Variants in JAK1 observed in about 807,000 individuals in gnomAD.
The protein encoded by JAK1 is tyrosine-protein kinase JAK1.
JAK1 carries 16 observed loss-of-function variants against 136.6 expected under a neutral mutation model. That is an observed-to-expected ratio of 0.12 (90% confidence interval 0.08 to 0.18). The LOEUF is 0.18. Ranked by LOEUF, JAK1 falls within the 10% of genes least tolerant of loss-of-function variation. The pLI is 1.00. For synonymous variants in JAK1, 492 were observed against 519.5 expected (o/e 0.95, Z 0.72); for missense variants, 859 against 1,450.1 (o/e 0.59, Z 6.62).
intron 7 of JAK1, among the ~76,000 whole-genome samples, chr1:64,865,800 C>T (rs919776542): frequency 2.0e-5 from 3 of 152,066 alleles, no homozygotes; most frequent in Non-Finnish European, 2.9e-5. Flanking sequence ...CTTGCTGTCA[C>T]CCAGGCTGGA....
Position 64,852,617 on chromosome 1 carries a change from C to T in JAK1, c.1649-1707G>A, listed in dbSNP as rs1484076316. Reference sequence around the variant, plus strand: ...GCAGAGCCACTTGGGAAATGAGAGGCGGATGGAACCGAAGCCATTTATGGA... The same window carrying T: ...GCAGAGCCACTTGGGAAATGAGAGGTGGATGGAACCGAAGCCATTTATGGA... On this transcript the variant is annotated intron_variant, in intron 11 of 24. Coordinates refer to ENST00000342505, the MANE Select transcript of JAK1 (RefSeq NM_002227.4). 1.3e-5 allele frequency among the ~76,000 whole-genome samples: 2 copies of T among 152,190 alleles called. 1 individual carries two copies. The highest frequency in any genetic ancestry group is 2.9e-5 in the Non-Finnish European group (2 of 68,036).
At chr1:64,969,134 C>A (rs953818847), upstream of JAK1, among the ~76,000 whole-genome samples, 11 of 151,374 alleles carry the variant, frequency 7.3e-5, no homozygotes, top group African/African-American at 2.7e-4. Flanking sequence ...TAAGTATATG[C>A]TGTGTGACTG....
chr1:64,878,989 G>A, intron 4 of JAK1, 36 bp downstream of exon 4: 1 of 1,611,506 alleles, frequency 6.2e-7, no homozygotes, highest in Non-Finnish European at 8.5e-7. Flanking sequence ...CAGTGCAGAG[G>A]GAGCCAGGCA....
At chr1:64,971,616 T>C (rs1459644002) in intron 2 of JAK1, among the ~76,000 whole-genome samples, 4 of 152,024 alleles carry the variant, frequency 2.6e-5, no homozygotes, top group Non-Finnish European at 5.9e-5. Flanking sequence ...TCGAGTACAG[T>C]GGCGTGATCT....
intron 2 of JAK1, among the ~76,000 whole-genome samples, chr1:64,980,898 A>G (rs556680970): frequency 2.6e-4 from 40 of 152,320 alleles, no homozygotes; most frequent in African/African-American, 9.4e-4. Context: ...TACAAAGGAC[A>G]TGAACTCATC....
chr1:64,892,704 C>T (rs1644957757), intron 1 of JAK1, among the ~76,000 whole-genome samples: 2 of 152,154 alleles, frequency 1.3e-5, no homozygotes, highest in Admixed American at 1.3e-4. Context: ...ACATCTAAAC[C>T]ACATTCGAGT....
intron 6 of JAK1, among the ~76,000 whole-genome samples, chr1:64,868,837 G>A (rs1476838584): frequency 6.6e-6 from 1 of 152,172 alleles, no homozygotes; most frequent in Non-Finnish European, 1.5e-5. Flanking sequence ...CAATTTTCTT[G>A]AGATATTTAA....
At chr1:65,036,067 AAAAAG>A (rs1288619345) in intron 2 of JAK1, among the ~76,000 whole-genome samples, 2 of 151,972 alleles carry the variant, frequency 1.3e-5, no homozygotes, top group East Asian at 1.9e-4. Context: ...CTCTCTCAAA[AAAAAG>A]AAAAGAAAAG....
rs2100960229 is a variant in JAK1 at position 64,839,666 on chromosome 1, C to T, written c.2779G>A (p.Glu927Lys). ...NHIADLKKEI[E>K]ILRNLYHENI... ...TCATGATAGAGGTTCCTTAAGATCT[C>T]GATTTCCTTTTTCAGATCAGCTATG... is the stretch of plus-strand genomic sequence containing the variant. The change falls in exon 20 of 25, where the codon GAG (glutamate) becomes AAG (lysine). Residue 927 changes from glutamate to lysine, a missense_variant. By Grantham distance (56) the Glu-to-Lys change is moderately conservative. This residue lies in a region of JAK1 where 409 missense variants were observed against 753.8 expected (regional missense o/e 0.54). Coordinates refer to ENST00000342505, the MANE Select transcript of JAK1 (RefSeq NM_002227.4). The T allele has an allele frequency of 6.2e-7, 1 of 1,614,204 alleles. No individual in the cohort carries two copies. The highest frequency in any genetic ancestry group is 8.5e-7 in the Non-Finnish European group (1 of 1,180,028).
intron 1 of JAK1, among the ~76,000 whole-genome samples, chr1:64,954,604 C>T (rs1646149193): frequency 6.6e-6 from 1 of 152,072 alleles, no homozygotes; most frequent in Non-Finnish European, 1.5e-5. Context: ...TTGTTGTCAC[C>T]ACAGGTTGGG....
intron 1 of JAK1, among the ~76,000 whole-genome samples, chr1:65,063,186 ATG>A (rs1253661222): frequency 6.6e-6 from 1 of 152,220 alleles, no homozygotes; most frequent in Non-Finnish European, 1.5e-5. Context: ...GAAAAAATAA[ATG>A]GAAGTGAGTG....
intron 1 of JAK1, among the ~76,000 whole-genome samples, chr1:64,915,338 A>T (rs1246776834): frequency 6.7e-6 from 1 of 150,332 alleles, no homozygotes; most frequent in Non-Finnish European, 1.5e-5. Flanking sequence ...TTGGATATGT[A>T]AAAAAAAAAT....
chr1:64,860,340 C>G, intron 8 of JAK1, 78 bp from the exon 9 acceptor site: 1 of 1,229,540 alleles, frequency 8.1e-7, no homozygotes, highest in East Asian at 2.5e-5. Context: ...GGGAGGTGCA[C>G]AGTGAGAAGA....
intron 1 of JAK1, among the ~76,000 whole-genome samples, chr1:64,941,777 G>A (rs568804997): frequency 1.3e-5 from 2 of 152,298 alleles, no homozygotes; most frequent in African/African-American, 4.8e-5. Context: ...TCTAAGTTTA[G>A]TGGAAATGTC....
intron 20 of JAK1, among the ~76,000 whole-genome samples, chr1:64,838,969 C>T (rs889990829): frequency 6.7e-6 from 1 of 149,888 alleles, no homozygotes; most frequent in African/African-American, 2.5e-5. Context: ...CACGGTGAAA[C>T]CCCGTCTCTA....
chr1:64,996,771 C>T (rs751020262), intron 2 of JAK1, among the ~76,000 whole-genome samples: 1 of 152,186 alleles, frequency 6.6e-6, no homozygotes, highest in South Asian at 2.1e-4. Flanking sequence ...CTTGAGAAAT[C>T]TGAAGAACAC....
intron 1 of JAK1, among the ~76,000 whole-genome samples, chr1:64,924,174 T>G (rs1414342870): frequency 3.3e-5 from 5 of 152,158 alleles, no homozygotes; most frequent in Non-Finnish European, 7.3e-5. Context: ...GTAAACAGCT[T>G]TTGGCAAAGT....
At chr1:64,899,745 T>G (rs1645076279) in intron 1 of JAK1, among the ~76,000 whole-genome samples, 1 of 152,224 alleles carries the variant, frequency 6.6e-6, no homozygotes, top group South Asian at 2.1e-4. Flanking sequence ...AGATAGGGGA[T>G]ACTCATCTGT....
rs951511010 is a variant in JAK1 at position 64,834,373 on chromosome 1, G to C, written c.*189C>G. 4 of 438,988 alleles carry C rather than the reference G, an allele frequency of 9.1e-6. No homozygotes were observed. In the South Asian group the frequency reaches 1.4e-4, roughly 16 times the overall value. The allele number at this position is 438,988 out of a possible 1,614,324, so 27.2% of individuals were successfully genotyped here. On this transcript the variant is annotated 3_prime_UTR_variant, in exon 25 of 25. Transcript: ENST00000342505. ...CTAAGTTACTGGTACCAAATTTAAA[G>C]AGGAAGTCCTTACACATATTAAGCA...
Sources: allele counts gnomAD v4.1 joint callset (sites outside exome capture counted in the v4.1 genomes callset), GRCh38; gene constraint gnomAD v4.1.1; regional missense constraint gnomAD v4.1.1; transcripts MANE v1.5; gene names NCBI Gene and HGNC (gene_info 2026-07-23, HGNC 2026-07-21).